The following SLC25A12 variants were observed in gnomAD, a reference collection of about 807,000 sequenced individuals.
SLC25A12 encodes electrogenic aspartate/glutamate antiporter SLC25A12, mitochondrial.
A neutral mutation model predicts 83.3 loss-of-function variants in SLC25A12; 32 were observed. That is an observed-to-expected ratio of 0.38 (90% CI 0.29 to 0.52). The LOEUF is 0.52. Among genes scored for constraint, SLC25A12 ranks in the 20% least tolerant of loss-of-function variants. The pLI, the probability that SLC25A12 is intolerant of heterozygous loss-of-function variation, is 0.84. For synonymous variants in SLC25A12, 267 were observed against 291.1 expected, an observed-to-expected ratio of 0.92 and a Z score of 0.84; for missense variants, 611 against 835.6, an observed-to-expected ratio of 0.73 and a Z score of 3.31.
chr2:171,791,367 A>G (rs1683453845), intron 15 of SLC25A12, 84 bp downstream of exon 15: 1 of 1,185,998 alleles, frequency 8.4e-7, no homozygotes. Context: ...ATACTTCCAG[A>G]AATAAAGGGG....
At position 171,837,265 on chromosome 2, in the gene SLC25A12, C is replaced by T. The variant is rs764944536; in HGVS notation, c.468G>A (p.Glu156=). 1.2e-6 allele frequency: 2 copies of T among 1,614,050 alleles called. No homozygotes were observed. Among genetic ancestry groups the T allele is most frequent in the South Asian group, 1.1e-5 (1 of 91,076 alleles). ...NYTEFTQFLQ[E]LQLEHARQAF... Reference sequence around the variant, plus strand: ...CTTGTCTTGCATGTTCCAATTGCAGCTCCTGTGAGGAAATTAGAAATAGGG... The same window carrying T: ...CTTGTCTTGCATGTTCCAATTGCAGTTCCTGTGAGGAAATTAGAAATAGGG... Residue 156 remains glutamate, a splice_region_variant and synonymous_variant, in exon 6 of 18, where the codon GAG becomes GAA. Transcript: ENST00000422440.
chr2:171,787,997 T>G (rs552345623), intron 15 of SLC25A12, 50 bp from the exon 16 acceptor site: 1 of 1,584,252 alleles, frequency 6.3e-7, no homozygotes, highest in East Asian at 2.2e-5. Flanking sequence ...TTATAAAAGA[T>G]AGGAATACTG....
intron 11 of SLC25A12, among the ~76,000 whole-genome samples, chr2:171,810,756 C>T (rs921452195): frequency 2.2e-4 from 33 of 152,260 alleles, no homozygotes; most frequent in Non-Finnish European, 4.3e-4. Context: ...TTATAGAATA[C>T]TAACTCCCAT....
At chr2:171,844,339 A>G in intron 5 of SLC25A12, 30 bp downstream of exon 5, 1 of 1,608,114 alleles carries the variant, frequency 6.2e-7, no homozygotes, top group Non-Finnish European at 8.5e-7. Context: ...AATAGTATAT[A>G]TTGATACCTG....
intron 3 of SLC25A12, among the ~76,000 whole-genome samples, chr2:171,861,392 A>G (rs1381762316): frequency 2.0e-5 from 3 of 149,038 alleles, no homozygotes; most frequent in East Asian, 4.4e-4. Context: ...TAAAGCAAGC[A>G]TGTTCCAGAA....
intron 9 of SLC25A12, among the ~76,000 whole-genome samples, chr2:171,826,154 A>G (rs191635619): frequency 1.3e-3 from 197 of 152,362 alleles, no homozygotes; most frequent in Middle Eastern, 3.4e-3. Context: ...TTAATGATAC[A>G]AAGTAAACCT....
intron 2 of SLC25A12, among the ~76,000 whole-genome samples, chr2:171,885,132 G>C (rs1183232049): frequency 4.1e-5 from 6 of 147,236 alleles, no homozygotes; most frequent in Non-Finnish European, 4.4e-5. Context: ...AGAATGGCGT[G>C]AACCTGGGAG....
chr2:171,860,419 TG>T (rs1685129784), intron 3 of SLC25A12, among the ~76,000 whole-genome samples: 1 of 151,832 alleles, frequency 6.6e-6, no homozygotes, highest in Non-Finnish European at 1.5e-5. Flanking sequence ...GCCAACATGG[TG>T]AAACCCCATC....
At chr2:171,833,648 A>G (rs1420814209) in intron 8 of SLC25A12, among the ~76,000 whole-genome samples, 1 of 151,766 alleles carries the variant, frequency 6.6e-6, no homozygotes, top group Non-Finnish European at 1.5e-5. Context: ...TCACTCTCTC[A>G]TGCATCTCAA....
At chr2:171,809,725 A>G (rs752808548) in intron 12 of SLC25A12, 39 bp from the exon 13 acceptor site, 2 of 1,445,740 alleles carry the variant, frequency 1.4e-6, no homozygotes, top group Non-Finnish European at 1.9e-6. Context: ...AAAATTCCCA[A>G]CCATTTCTCT....
At chr2:171,809,019 G>A (rs757613626) in intron 13 of SLC25A12, among the ~76,000 whole-genome samples, 8 of 152,102 alleles carry the variant, frequency 5.3e-5, no homozygotes, top group Non-Finnish European at 1.0e-4. Flanking sequence ...CCATGTCCCT[G>A]CAAAGGACAG....
At chr2:171,792,892 G>C (rs1026959846) in intron 14 of SLC25A12, among the ~76,000 whole-genome samples, 2 of 152,174 alleles carry the variant, frequency 1.3e-5, no homozygotes, top group Non-Finnish European at 2.9e-5. Context: ...TTTCTGCAGT[G>C]ATGGATCTAT....
chr2:171,821,529 G>A (rs993393009), intron 9 of SLC25A12, among the ~76,000 whole-genome samples: 4 of 152,038 alleles, frequency 2.6e-5, no homozygotes, highest in Non-Finnish European at 4.4e-5. Context: ...TGATCAATCT[G>A]GATAGTATAA....
intron 2 of SLC25A12, among the ~76,000 whole-genome samples, chr2:171,889,668 A>AT (rs928053136): frequency 5.3e-5 from 8 of 150,840 alleles, no homozygotes; most frequent in African/African-American, 9.8e-5. Context: ...AAGTAACCAG[A>AT]TTTTTTTTTA....
chr2:171,870,358 C>T (rs142324336), intron 2 of SLC25A12, among the ~76,000 whole-genome samples: 20 of 152,332 alleles, frequency 1.3e-4, no homozygotes, highest in African/African-American at 4.8e-4. Context: ...TGCAGTGGCT[C>T]ACACCTGTAA....
chr2:171,857,476 G>A (rs944204891), intron 3 of SLC25A12, among the ~76,000 whole-genome samples: 1 of 152,182 alleles, frequency 6.6e-6, no homozygotes, highest in African/African-American at 2.4e-5. Flanking sequence ...CTTGAGCTCA[G>A]GAGTTCAAGA....
chr2:171,862,700 T>G (rs1685189460), intron 3 of SLC25A12, among the ~76,000 whole-genome samples: 1 of 152,210 alleles, frequency 6.6e-6, no homozygotes, highest in Non-Finnish European at 1.5e-5. Context: ...CATTCAGACT[T>G]GGTCTTGAGT....
intron 2 of SLC25A12, among the ~76,000 whole-genome samples, chr2:171,879,897 A>C (rs946557261): frequency 1.3e-5 from 2 of 152,212 alleles, no homozygotes; most frequent in African/African-American, 4.8e-5. Flanking sequence ...GCAATGTATG[A>C]ATCTAGCTTG....
At chr2:171,841,115 T>C (rs1418961849) in intron 5 of SLC25A12, among the ~76,000 whole-genome samples, 1 of 152,244 alleles carries the variant, frequency 6.6e-6, no homozygotes, top group Non-Finnish European at 1.5e-5. Flanking sequence ...AGTCTCGCTC[T>C]GTCGCCCAGG....
Sources: allele counts gnomAD v4.1 joint callset (sites outside exome capture counted in the v4.1 genomes callset), GRCh38; gene constraint gnomAD v4.1.1; transcripts MANE v1.5; gene names NCBI Gene and HGNC (gene_info 2026-07-23, HGNC 2026-07-21).